The following PRELID2 variants were observed in gnomAD, a reference collection of about 807,000 sequenced individuals.
PRELID2 encodes PRELI domain containing 2.
PRELID2 carries 25 observed loss-of-function variants against 28.4 expected under a neutral mutation model. The observed-to-expected ratio is 0.88, with a 90% CI of 0.64 to 1.23. The LOEUF is 1.23. Ranked by LOEUF, PRELID2 falls within the 50% of genes most tolerant of loss-of-function variation. The pLI is 0.00. For synonymous variants in PRELID2, 76 were observed against 71.6 expected (o/e 1.06, Z -0.31); for missense variants, 201 against 214.4 (o/e 0.94, Z 0.39).
rs200960328 is a variant in PRELID2 at position 145,820,018 on chromosome 5, T to C, written c.134A>G (p.Asp45Gly). The change falls in exon 3 of 7, where the codon GAT becomes GGT. Residue 45 changes from aspartate to glycine, a missense_variant and splice_region_variant. Physicochemically the swap from Asp to Gly is moderately conservative, Grantham distance 94. Coordinates refer to ENST00000683046, the MANE Select transcript of PRELID2 (RefSeq NM_205846.3). ...TCTGTAGATGACCCCTGTTGATTCATCTAAAAAAGAAATTTTTTTACACAA... is the reference window on the plus strand; with the variant it reads ...TCTGTAGATGACCCCTGTTGATTCACCTAAAAAAGAAATTTTTTTACACAA... ...ISVKIMEEKR[D>G]ESTGVIYRKR... 1.1e-4 allele frequency: 171 copies of C among 1,570,390 alleles called. No individual in the cohort carries two copies. Among genetic ancestry groups the C allele is most frequent in the Admixed American group, 2.2e-4 (12 of 53,810 alleles).
chr5:145,252,323 T>C, the PRELID2 span, among the ~76,000 whole-genome samples: 9 of 152,110 alleles, frequency 5.9e-5, no homozygotes, highest in Non-Finnish European at 1.3e-4. Context: ...TCTGCATAAA[T>C]AACAAATATT....
chr5:145,676,178 C>G (rs1296446329), intron 1 of PRELID2, among the ~76,000 whole-genome samples: 1 of 148,428 alleles, frequency 6.7e-6, no homozygotes, highest in Non-Finnish European at 1.5e-5. Flanking sequence ...CCAGATCGCA[C>G]CATTGCACTC....
At chr5:145,746,248 G>C (rs1234115577) in intron 1 of PRELID2, among the ~76,000 whole-genome samples, 7 of 152,068 alleles carry the variant, frequency 4.6e-5, no homozygotes, top group Admixed American at 4.6e-4. Flanking sequence ...AAGACCCGTC[G>C]GCGTGCTGTA....
chr5:145,688,331 G>A (rs1402084602), intron 1 of PRELID2, among the ~76,000 whole-genome samples: 7 of 152,110 alleles, frequency 4.6e-5, no homozygotes, highest in Non-Finnish European at 1.0e-4. Flanking sequence ...AGTCACTTAG[G>A]GCGTGACTTG....
intron 1 of PRELID2, among the ~76,000 whole-genome samples, chr5:145,538,596 A>G (rs953346540): frequency 5.9e-5 from 9 of 151,938 alleles, no homozygotes; most frequent in Non-Finnish European, 1.2e-4. Flanking sequence ...TAAAATATCT[A>G]TAGTATCAGA....
At chr5:145,559,007 C>G (rs1752903574) in intron 1 of PRELID2, among the ~76,000 whole-genome samples, 1 of 152,174 alleles carries the variant, frequency 6.6e-6, no homozygotes, top group African/African-American at 2.4e-5. Flanking sequence ...GTAATCCCAG[C>G]ATTTTGGGAG....
the PRELID2 span, among the ~76,000 whole-genome samples, chr5:145,245,142 T>C: frequency 6.6e-6 from 1 of 152,126 alleles, no homozygotes; most frequent in Non-Finnish European, 1.5e-5. Flanking sequence ...TAAAGCTAGA[T>C]ACTAATATGT....
chr5:145,650,580 TA>T (rs1754277782), intron 1 of PRELID2, among the ~76,000 whole-genome samples: 1 of 113,678 alleles, frequency 8.8e-6, no homozygotes, highest in Non-Finnish European at 1.9e-5. Flanking sequence ...ATATATAGAC[TA>T]AAATATTTTT....
In PRELID2 at chr5:145,811,113, A is replaced by C. The variant is rs940634951; in HGVS notation, c.368+6781T>G. 9.7e-5 allele frequency among the ~76,000 whole-genome samples: 14 copies of C among 144,006 alleles called. 1 individual carries two copies. The highest frequency in any genetic ancestry group is 4.4e-4 in the South Asian group (2 of 4,570). The allele number at this position is 144,006 out of a possible 152,430, so 94.5% of individuals were successfully genotyped here. A position where few individuals can be genotyped will look rare whatever the true frequency, so the allele number is the denominator to read the frequency against. The stretch of plus-strand genomic sequence containing the variant: ...AAAAAAAAAAAAAAAAAAAAAAAAA[A>C]AAAAAATTGTGCCAGGGAACCCCCC... On this transcript the variant is annotated intron_variant, in intron 4 of 6. Transcript: ENST00000683046.
intron 6 of PRELID2, among the ~76,000 whole-genome samples, chr5:145,764,193 T>G (rs953366098): frequency 6.6e-6 from 1 of 152,208 alleles, no homozygotes; most frequent in Non-Finnish European, 1.5e-5. Flanking sequence ...TAAATAACTC[T>G]GCCCTGCCCT....
chr5:145,797,191 G>A (rs1752819290), intron 4 of PRELID2, among the ~76,000 whole-genome samples: 1 of 152,030 alleles, frequency 6.6e-6, no homozygotes, highest in Admixed American at 6.6e-5. Context: ...GAAGTAAGAT[G>A]GCTGAATAGG....
the PRELID2 span, among the ~76,000 whole-genome samples, chr5:145,264,314 C>T: frequency 6.6e-6 from 1 of 152,084 alleles, no homozygotes; most frequent in Admixed American, 6.6e-5. Context: ...AGGTTTCATA[C>T]CAGGGATGTA....
chr5:145,559,897 G>A lies in PRELID2; in HGVS notation n.71-86582C>T, dbSNP rs1218609416. Among the ~76,000 whole-genome samples the A allele has an allele frequency of 2.0e-5, 3 of 151,472 alleles. No homozygotes were observed. The East Asian group carries it at 5.8e-4, about 29-fold the overall frequency. On this transcript the variant is annotated intron_variant and non_coding_transcript_variant, in intron 1 of 2. Coordinates refer to the PRELID2 transcript ENST00000510259. ...AGAATACCCTCTTTATTGTATAGGA[G>A]AAGAAAGACACTAACATACAGATGC...
At chr5:145,450,455 T>A in the PRELID2 span, among the ~76,000 whole-genome samples, 1 of 152,114 alleles carries the variant, frequency 6.6e-6, no homozygotes. Context: ...ATCTACCTCC[T>A]GGGCAGCCGG....
intron 4 of PRELID2, among the ~76,000 whole-genome samples, chr5:145,815,705 C>G (rs958452103): frequency 2.0e-5 from 3 of 152,154 alleles, no homozygotes; most frequent in African/African-American, 7.2e-5. Context: ...AGCATATTTT[C>G]AAAATTTGTC....
downstream of PRELID2, among the ~76,000 whole-genome samples, chr5:145,753,969 C>T (rs1757192769): frequency 6.6e-6 from 1 of 152,114 alleles, no homozygotes; most frequent in Admixed American, 6.5e-5. Context: ...GGTTCTCGGG[C>T]TCGCAGGACT....
intron 1 of PRELID2, among the ~76,000 whole-genome samples, chr5:145,743,256 A>C (rs986391439): frequency 1.3e-5 from 2 of 151,938 alleles, no homozygotes; most frequent in Non-Finnish European, 2.9e-5. Flanking sequence ...CAAAAATACA[A>C]AAAATTACCC....
At chr5:145,743,106 G>C (rs554620404) in intron 1 of PRELID2, among the ~76,000 whole-genome samples, 1 of 151,950 alleles carries the variant, frequency 6.6e-6, no homozygotes, top group Non-Finnish European at 1.5e-5. Context: ...GGGTGATAGA[G>C]GCTCCTATGC....
rs189431853 is a variant in PRELID2 at position 145,611,726 on chromosome 5, A to G, written n.71-138411T>C. Among the ~76,000 whole-genome samples the G allele has an allele frequency of 3.1e-3, 473 of 152,332 alleles. 2 individuals are homozygous for G. Among genetic ancestry groups the G allele is most frequent in the African/African-American group, 0.011 (458 of 41,578 alleles). On this transcript the variant is annotated intron_variant and non_coding_transcript_variant, in intron 1 of 2. Coordinates refer to the PRELID2 transcript ENST00000510259. Reference sequence around the variant, plus strand: ...TTCCACAAGTTGATCTATAATTTCAAAACAATCCCTATCAAAATCCCAACA... The same window carrying G: ...TTCCACAAGTTGATCTATAATTTCAGAACAATCCCTATCAAAATCCCAACA...
Sources: gnomAD v4.1 joint callset for allele counts (sites outside exome capture counted in the v4.1 genomes callset) on GRCh38, gnomAD v4.1.1 for gene constraint, MANE v1.5 for transcripts, NCBI Gene and HGNC (gene_info 2026-07-23, HGNC 2026-07-21) for gene names.